The following SBF2 variants were observed in gnomAD, a reference collection of about 807,000 sequenced individuals.
SBF2 encodes the protein SET binding factor 2.
Under a neutral mutation model 225.2 loss-of-function variants are expected in SBF2, and 112 were observed. The ratio of observed to expected loss-of-function variants is 0.50; its 90% CI spans 0.43 to 0.58. SBF2 has a LOEUF of 0.58. SBF2 is among the 20% of genes least tolerant of loss of function. SBF2 has a pLI of 0.00. For synonymous variants in SBF2, 763 were observed against 773.3 expected, an observed-to-expected ratio of 0.99 and a Z score of 0.22; for missense variants, 1,996 against 2,206.2, an observed-to-expected ratio of 0.90 and a Z score of 1.91.
chr11:10,278,882 T>A (rs1035296218), intron 1 of SBF2, among the ~76,000 whole-genome samples: 1 of 151,678 alleles, frequency 6.6e-6, no homozygotes, highest in Admixed American at 6.6e-5. Context: ...ATGATCTTTA[T>A]CATATTGGGC....
At chr11:9,975,187 C>T (rs1415207730) in intron 13 of SBF2, among the ~76,000 whole-genome samples, 1 of 151,958 alleles carries the variant, frequency 6.6e-6, no homozygotes, top group African/African-American at 2.4e-5. Context: ...GAAATGAAAA[C>T]TTATATTTAT....
chr11:10,191,283 G>A (rs901136950), intron 2 of SBF2, among the ~76,000 whole-genome samples: 6 of 152,086 alleles, frequency 3.9e-5, no homozygotes, highest in East Asian at 1.9e-4. Flanking sequence ...TCTTGAAGCC[G>A]CAGGGTTACT....
At chr11:10,111,522 T>G (rs1054803273) in intron 2 of SBF2, among the ~76,000 whole-genome samples, 1 of 152,226 alleles carries the variant, frequency 6.6e-6, no homozygotes, top group African/African-American at 2.4e-5. Context: ...ACTAGAGCCT[T>G]AAGAATTTCT....
At chr11:10,064,702 T>C (rs1950570828) in intron 2 of SBF2, among the ~76,000 whole-genome samples, 1 of 152,200 alleles carries the variant, frequency 6.6e-6, no homozygotes, top group Admixed American at 6.5e-5. Flanking sequence ...TTTATAATGA[T>C]ATATGGGCCA....
intron 6 of SBF2, chr11:10,016,627 C>G (rs1175077935): frequency 6.6e-6 from 1 of 152,288 alleles, no homozygotes; most frequent in African/African-American, 2.4e-5. Context: ...GCTGGGACTG[C>G]AGACACGGGC....
chr11:10,193,816 C>CAAATT, intron 2 of SBF2, 86 bp downstream of exon 2: 2 of 913,100 alleles, frequency 2.2e-6, no homozygotes, highest in Admixed American at 3.5e-5. Context: ...AATTATTTAA[C>CAAATT]AGCAAATGTA....
intron 2 of SBF2, among the ~76,000 whole-genome samples, chr11:10,046,905 G>C (rs2134696796): frequency 6.8e-6 from 1 of 146,648 alleles, no homozygotes; most frequent in East Asian, 2.0e-4. Flanking sequence ...ACCCATCCCT[G>C]GAACTAATAA....
At chr11:10,156,140 C>G (rs899141608) in intron 2 of SBF2, among the ~76,000 whole-genome samples, 8 of 152,250 alleles carry the variant, frequency 5.3e-5, no homozygotes, top group Non-Finnish European at 1.2e-4. Context: ...CCTGGCCTCT[C>G]CTCGCTCCCA....
intron 32 of SBF2, among the ~76,000 whole-genome samples, chr11:9,800,481 ACTGCAAG>A (rs1394705415): frequency 6.6e-6 from 1 of 151,934 alleles, no homozygotes; most frequent in African/African-American, 2.4e-5. Flanking sequence ...GTCTCGGCTC[ACTGCAAG>A]CTCCACCTCC....
chr11:9,830,265 T>C (rs1855307959), intron 27 of SBF2, among the ~76,000 whole-genome samples: 1 of 152,198 alleles, frequency 6.6e-6, no homozygotes, highest in African/African-American at 2.4e-5. Flanking sequence ...ACAACTTGAA[T>C]AGAAAATAAA....
chr11:9,930,170 A>C (rs143415764), intron 16 of SBF2, among the ~76,000 whole-genome samples: 592 of 152,332 alleles, frequency 3.9e-3, no homozygotes, highest in Non-Finnish European at 6.4e-3. Flanking sequence ...AAAAAAGTAC[A>C]AACAGGTGAA....
At chr11:9,928,922 T>C in intron 16 of SBF2, 1 of 406,930 alleles carries the variant, frequency 2.5e-6, no homozygotes, top group Non-Finnish European at 4.7e-6. Context: ...AAAATTAAAT[T>C]CAAGCAATTT....
intron 1 of SBF2, among the ~76,000 whole-genome samples, chr11:10,196,053 A>C (rs1172117356): frequency 6.6e-6 from 1 of 152,212 alleles, no homozygotes; most frequent in African/African-American, 2.4e-5. Flanking sequence ...ATGAACTGAT[A>C]ATTTCAGTTA....
At chr11:10,226,654 T>C (rs1361251669) in intron 1 of SBF2, among the ~76,000 whole-genome samples, 1 of 152,230 alleles carries the variant, frequency 6.6e-6, no homozygotes, top group East Asian at 1.9e-4. Context: ...ACAAAGGACA[T>C]TAACTCATCA....
At chr11:10,223,256 C>G (rs1372808) in intron 1 of SBF2, among the ~76,000 whole-genome samples, 31,855 of 150,650 alleles carry the variant, frequency 0.21, 4,069 homozygotes, top group Non-Finnish European at 0.3. Context: ...TACAGATGAC[C>G]CTTGAACAAC....
chr11:10,008,356 A>G (rs76447927), intron 6 of SBF2, among the ~76,000 whole-genome samples: 12,231 of 152,224 alleles, frequency 0.08, 666 homozygotes, highest in East Asian at 0.28. Flanking sequence ...ACCGTTTCCT[A>G]ACTCAGGCAG....
At chr11:10,214,995 C>G (rs1159538507) in intron 1 of SBF2, among the ~76,000 whole-genome samples, 1 of 152,158 alleles carries the variant, frequency 6.6e-6, no homozygotes, top group East Asian at 1.9e-4. Context: ...ACCACTCTGC[C>G]TCAGCCACAA....
In SBF2 at chr11:10,029,883, A is replaced by G. The variant is rs755029382; in HGVS notation, c.403-8T>C. 1.1e-5 allele frequency: 17 copies of G among 1,537,278 alleles called. 1 individual carries two copies. The African/African-American group carries it at 2.0e-4, about 18-fold the overall frequency. Reference sequence around the variant, plus strand: ...GATCAAACCCAGGCAAGCCTGCAAAAAGATAAATACATGTAATTATTTCAT... The same window carrying G: ...GATCAAACCCAGGCAAGCCTGCAAAGAGATAAATACATGTAATTATTTCAT... On this transcript the variant is annotated splice_polypyrimidine_tract_variant and splice_region_variant and intron_variant, in intron 4 of 39. Transcript: ENST00000256190.
At chr11:9,916,621 A>C (rs1863120581) in intron 16 of SBF2, among the ~76,000 whole-genome samples, 1 of 142,600 alleles carries the variant, frequency 7.0e-6, no homozygotes, top group Non-Finnish European at 1.5e-5. Context: ...TTTTTGAGAC[A>C]GGGTCTTGCT....
Sources: gnomAD v4.1 joint callset for allele counts (sites outside exome capture counted in the v4.1 genomes callset) on GRCh38, gnomAD v4.1.1 for gene constraint, MANE v1.5 for transcripts, NCBI Gene and HGNC (gene_info 2026-07-23, HGNC 2026-07-21) for gene names.